ACAP2: variants seen among roughly 807,000 people sequenced by gnomAD.
ACAP2 encodes the protein ArfGAP with coiled-coil, ankyrin repeat and PH domains 2.
Under a neutral mutation model 115.8 loss-of-function variants are expected in ACAP2, and 39 were observed. That is an observed-to-expected ratio of 0.34 (90% CI 0.26 to 0.44). ACAP2 has a LOEUF of 0.44. Ranked by LOEUF, ACAP2 falls within the 20% of genes least tolerant of loss-of-function variation. The probability of loss-of-function intolerance (pLI) is 1.00; values close to 1 mark genes in which losing one functional copy is unlikely to be tolerated. For missense variants in ACAP2, 662 were observed against 927.6 expected (o/e 0.71, Z 3.72); for synonymous variants, 289 against 315.8 (o/e 0.92, Z 0.90).
chr3:195,380,980 C>T, intron 4 of ACAP2, 29 bp downstream of exon 4: 1 of 1,548,498 alleles, frequency 6.5e-7, no homozygotes, highest in Middle Eastern at 1.8e-4. Flanking sequence ...TTAATATGGT[C>T]ATAGTAACAC....
chr3:195,378,952 G>T (rs1176035821), intron 4 of ACAP2, among the ~76,000 whole-genome samples: 2 of 151,534 alleles, frequency 1.3e-5, no homozygotes, highest in Non-Finnish European at 2.9e-5. Flanking sequence ...ATTATATAAA[G>T]AAATAGCATA....
intron 1 of ACAP2, among the ~76,000 whole-genome samples, chr3:195,428,708 C>T (rs1443059126): frequency 1.3e-5 from 2 of 152,070 alleles, no homozygotes; most frequent in South Asian, 2.1e-4. Flanking sequence ...TTAAGTAACA[C>T]ATAACTGCAA....
chr3:195,339,126 C>G (rs1484082831), intron 6 of ACAP2, among the ~76,000 whole-genome samples: 3 of 151,886 alleles, frequency 2.0e-5, no homozygotes, highest in African/African-American at 7.3e-5. Context: ...AGCTACTCGG[C>G]AGGCTGAGGC....
chr3:195,436,107 A>G (rs1405831183), intron 1 of ACAP2, among the ~76,000 whole-genome samples: 2 of 145,458 alleles, frequency 1.4e-5, no homozygotes, highest in African/African-American at 5.1e-5. Flanking sequence ...ACACAGATAT[A>G]TACATATATA....
At position 195,346,285 on chromosome 3, in the gene ACAP2, G is replaced by T. The variant is rs149670640; in HGVS notation, c.286-968C>A. On this transcript the variant is annotated intron_variant, in intron 4 of 22. Transcript: ENST00000326793. ...GATTAGAGTAGAAGTCAACTAAACA[G>T]AAAATAGAAAGTTAATAGAGAAAAA... 3.9e-3 allele frequency among the ~76,000 whole-genome samples: 587 copies of T among 152,122 alleles called. 3 individuals carry two copies. Among genetic ancestry groups the T allele is most frequent in the African/African-American group, 0.012 (502 of 41,532 alleles).
chr3:195,280,749 C>T (rs1560194847), intron 22 of ACAP2: 3 of 152,112 alleles, frequency 2.0e-5, no homozygotes, highest in Non-Finnish European at 2.9e-5. Context: ...ATCCCTCAGA[C>T]GAAGGAATCT....
intron 11 of ACAP2, 67 bp from the exon 12 acceptor site, chr3:195,307,390 C>T (rs1448233590): frequency 2.1e-6 from 2 of 942,792 alleles, no homozygotes; most frequent in South Asian, 1.5e-5. Context: ...TAATGAAATA[C>T]TTAAAAATAT....
At chr3:195,415,880 G>A (rs2108820938) in intron 1 of ACAP2, among the ~76,000 whole-genome samples, 1 of 152,038 alleles carries the variant, frequency 6.6e-6, no homozygotes, top group South Asian at 2.1e-4. Context: ...CGCTAAAAAG[G>A]TGAATACAAC....
At chr3:195,382,737 A>T (rs1183273768) in intron 2 of ACAP2, among the ~76,000 whole-genome samples, 1 of 152,104 alleles carries the variant, frequency 6.6e-6, no homozygotes, top group Non-Finnish European at 1.5e-5. Context: ...CAAGAGCATA[A>T]ATTAAAACTG....
intron 1 of ACAP2, among the ~76,000 whole-genome samples, chr3:195,408,505 A>G (rs995313926): frequency 6.6e-6 from 1 of 152,194 alleles, no homozygotes; most frequent in Non-Finnish European, 1.5e-5. Context: ...TAATGGCTTC[A>G]CTGGCAAATT....
chr3:195,312,760 T>C (rs922660588), intron 10 of ACAP2, among the ~76,000 whole-genome samples: 4 of 152,228 alleles, frequency 2.6e-5, no homozygotes, highest in African/African-American at 9.6e-5. Flanking sequence ...TGAGGAGATG[T>C]GCAACTAAAA....
chr3:195,389,756 C>A (rs754116958), intron 2 of ACAP2, among the ~76,000 whole-genome samples: 2 of 152,220 alleles, frequency 1.3e-5, no homozygotes, highest in Admixed American at 6.5e-5. Flanking sequence ...TTCAAATAAT[C>A]TCCTTATCCA....
chr3:195,438,930 G>T (rs996329842), intron 1 of ACAP2, among the ~76,000 whole-genome samples: 2 of 151,890 alleles, frequency 1.3e-5, no homozygotes, highest in Non-Finnish European at 2.9e-5. Flanking sequence ...GCGTGGAGGT[G>T]CACGCCTATA....
At chr3:195,437,775 A>ACT (rs2108874345) in intron 1 of ACAP2, among the ~76,000 whole-genome samples, 1 of 137,312 alleles carries the variant, frequency 7.3e-6, no homozygotes, top group South Asian at 2.5e-4. Context: ...AGATTGCACC[A>ACT]CTGCACTCCA....
At chr3:195,292,740 G>A (rs1331203868) in intron 18 of ACAP2, among the ~76,000 whole-genome samples, 1 of 151,846 alleles carries the variant, frequency 6.6e-6, no homozygotes, top group African/African-American at 2.4e-5. Context: ...TGGCCAACAT[G>A]GTGAAACCTC....
chr3:195,279,445 A>G lies in ACAP2; in HGVS notation c.2237-17T>C. 6.7e-7 allele frequency: 1 copy of G among 1,482,688 alleles called. No individual in the cohort carries two copies. Among genetic ancestry groups the G allele is most frequent in the Non-Finnish European group, 9.2e-7 (1 of 1,082,908 alleles). The allele number at this position is 1,482,688 out of a possible 1,614,324, so 91.8% of individuals were successfully genotyped here. ...TTTCATCACCTGCATGAAATAAAAT[A>G]AAGACACTTTAAACATTTACACAAG... On this transcript the variant is annotated splice_polypyrimidine_tract_variant and intron_variant, in intron 22 of 22. Transcript: ENST00000326793.
intron 9 of ACAP2, chr3:195,325,413 GATTT>G: frequency 2.8e-6 from 1 of 353,884 alleles, no homozygotes; most frequent in Non-Finnish European, 5.2e-6. Flanking sequence ...TTAGTGGACT[GATTT>G]TTTTTTTTTT....
At chr3:195,307,380 T>A (rs1338202821) in intron 11 of ACAP2, 57 bp from the exon 12 acceptor site, 2 of 1,012,006 alleles carry the variant, frequency 2.0e-6, no homozygotes, top group African/African-American at 3.2e-5. Context: ...ATACTACCAA[T>A]AATGAAATAC....
chr3:195,293,601 G>A (rs763274523), intron 18 of ACAP2, among the ~76,000 whole-genome samples: 22 of 152,158 alleles, frequency 1.4e-4, no homozygotes, highest in Admixed American at 6.5e-5. Flanking sequence ...CAGCACTTTC[G>A]GAGGCTGAGA....
Sources: gnomAD v4.1 joint callset for allele counts (sites outside exome capture counted in the v4.1 genomes callset) on GRCh38, gnomAD v4.1.1 for gene constraint, MANE v1.5 for transcripts, NCBI Gene and HGNC (gene_info 2026-07-23, HGNC 2026-07-21) for gene names.